POU2F1: variants seen among roughly 807,000 people sequenced by gnomAD.
The protein encoded by POU2F1 is POU class 2 homeobox 1.
In POU2F1, 16 loss-of-function variants were observed where a neutral mutation model predicts 84.9. The ratio of observed to expected loss-of-function variants is 0.19; its 90% confidence interval spans 0.13 to 0.29. The LOEUF (loss-of-function observed/expected upper bound fraction) is 0.29. Ranked by LOEUF, POU2F1 falls within the 10% of genes least tolerant of loss-of-function variation. POU2F1 has a pLI of 1.00. For synonymous variants in POU2F1, 368 were observed against 368.3 expected (o/e 1.00, Z 0.01); for missense variants, 738 against 942.6 (o/e 0.78, Z 2.84).
rs541884616 is a variant in POU2F1, at chr1:167,299,966, T to G, written c.62-32504T>G. On this transcript the variant is annotated intron_variant, in intron 1 of 15. Coordinates refer to ENST00000367866, the MANE Select transcript of POU2F1 (RefSeq NM_002697.4). ...ATGATACTGATCCGGGTACTGCCCT[T>G]TAAGAGTAGCTACTGTGCACTGTTC... 9.9e-5 allele frequency among the ~76,000 whole-genome samples: 15 copies of G among 152,224 alleles called. No homozygotes were observed. The East Asian group carries it at 2.7e-3, about 27-fold the overall frequency.
Position 167,416,087 on chromosome 1 carries a change from T to TACAAAAAAAAAA in POU2F1, c.*278_*279insCAAAAAAAAAAA. 1 of 351,044 alleles carries TACAAAAAAAAAA rather than the reference T, an allele frequency of 2.8e-6. No homozygotes were observed. 21.7% of individuals were successfully genotyped at this position (351,044 alleles called of 1,614,324 possible). Reference sequence around the variant, plus strand: ...ATTGGAGAACTTTCTAACCAAAAATTAAAAAAAAAAAAAAAAAAAGAAACA... The same window carrying TACAAAAAAAAAA: ...ATTGGAGAACTTTCTAACCAAAAATTACAAAAAAAAAAAAAAAAAAAAAAAAAAAAAGAAACA... On this transcript the variant is annotated 3_prime_UTR_variant, in exon 16 of 16. Coordinates refer to ENST00000367866, the MANE Select transcript of POU2F1 (RefSeq NM_002697.4).
Position 167,423,410 on chromosome 1 carries a change from G to T in POU2F1, c.*7600G>T, listed in dbSNP as rs1206029836. The T allele has an allele frequency of 2.0e-5, 3 of 152,144 alleles. No homozygotes were observed. The highest frequency in any genetic ancestry group is 4.4e-5 in the Non-Finnish European group (3 of 68,024). The allele number at this position is 152,144 out of a possible 1,614,324, so 9.4% of individuals were successfully genotyped here. On this transcript the variant is annotated 3_prime_UTR_variant, in exon 16 of 16. Transcript: ENST00000367866. ...CTTATTGTTCTGACATTATGTAAAG[G>T]TGGTATTAATATTGTATGACTTGTC... is the stretch of plus-strand genomic sequence containing the variant.
chr1:167,246,395 G>A (rs563924225), intron 1 of POU2F1, among the ~76,000 whole-genome samples: 1 of 152,000 alleles, frequency 6.6e-6, no homozygotes, highest in South Asian at 2.1e-4. Flanking sequence ...ATTTACATTC[G>A]AAATATATGC....
At chr1:167,271,869 A>G (rs1227373797) in intron 1 of POU2F1, among the ~76,000 whole-genome samples, 1 of 152,360 alleles carries the variant, frequency 6.6e-6, no homozygotes, top group South Asian at 2.1e-4. Context: ...AATGATTTCT[A>G]CATTTTTTTG....
At chr1:167,371,381 G>A (rs529497237) in intron 4 of POU2F1, among the ~76,000 whole-genome samples, 8 of 152,264 alleles carry the variant, frequency 5.3e-5, no homozygotes, top group Admixed American at 6.5e-5. Flanking sequence ...TTTAATTACC[G>A]TAAAATTTTC....
intron 2 of POU2F1, among the ~76,000 whole-genome samples, chr1:167,333,167 A>T (rs1342372400): frequency 1.3e-5 from 2 of 152,154 alleles, no homozygotes; most frequent in African/African-American, 4.8e-5. Context: ...ATCAAGAGAA[A>T]ATTATCATAT....
rs1651005557 is a variant in POU2F1, at chr1:167,427,139, A to G, written c.*11329A>G. ...TGTCTCTCTCAAAAGTGCCCTTTAGATGATTCCCCCTCCTAGGGCTGCCTG... is the reference window on the plus strand; with the variant it reads ...TGTCTCTCTCAAAAGTGCCCTTTAGGTGATTCCCCCTCCTAGGGCTGCCTG... On this transcript the variant is annotated 3_prime_UTR_variant, in exon 16 of 16. Transcript: ENST00000367866. The G allele has an allele frequency of 1.3e-5, 2 of 152,308 alleles. No individual in the cohort carries two copies. Among genetic ancestry groups the G allele is most frequent in the South Asian group, 4.1e-4 (2 of 4,832 alleles). 9.4% of individuals were successfully genotyped at this position (152,308 alleles called of 1,614,324 possible).
intron 2 of POU2F1, among the ~76,000 whole-genome samples, chr1:167,343,383 T>C (rs1384321130): frequency 6.6e-6 from 1 of 152,156 alleles, no homozygotes; most frequent in African/African-American, 2.4e-5. Context: ...TAAAATGCTG[T>C]TTTCAGTACA....
At chr1:167,253,952 C>T (rs940665657) in intron 1 of POU2F1, among the ~76,000 whole-genome samples, 14 of 152,132 alleles carry the variant, frequency 9.2e-5, no homozygotes, top group Non-Finnish European at 1.6e-4. Flanking sequence ...AATACCCAGA[C>T]TTTAGCTCCA....
chr1:167,257,774 G>GT (rs11309465), intron 1 of POU2F1: 5,290 of 141,430 alleles, frequency 0.037, 111 homozygotes, highest in African/African-American at 0.054. Flanking sequence ...TTGGAAGCAG[G>GT]TTTTTTTTTT....
chr1:167,324,918 C>T (rs1399822241), intron 1 of POU2F1, among the ~76,000 whole-genome samples: 2 of 152,048 alleles, frequency 1.3e-5, no homozygotes, highest in African/African-American at 4.8e-5. Context: ...CATAATGCAA[C>T]CTTAGAGGGT....
chr1:167,397,323 G>A (rs1315797758), intron 10 of POU2F1, among the ~76,000 whole-genome samples: 6 of 152,060 alleles, frequency 3.9e-5, no homozygotes, highest in South Asian at 2.1e-4. Context: ...AATATTAAAC[G>A]TTCAGTAATT....
chr1:167,345,817 A>G (rs1398081501), intron 2 of POU2F1, among the ~76,000 whole-genome samples: 1 of 152,146 alleles, frequency 6.6e-6, no homozygotes, highest in Non-Finnish European at 1.5e-5. Flanking sequence ...TTATTTGAAA[A>G]GTCTCAACAG....
chr1:167,353,329 C>G (rs1176806703), intron 2 of POU2F1, among the ~76,000 whole-genome samples: 2 of 150,192 alleles, frequency 1.3e-5, no homozygotes, highest in Admixed American at 6.6e-5. Context: ...TTACATTTTT[C>G]TGTTTTTACC....
chr1:167,350,673 C>CA (rs56240224), intron 2 of POU2F1, among the ~76,000 whole-genome samples: 1,653 of 58,350 alleles, frequency 0.028, 30 homozygotes, highest in African/African-American at 0.065. Flanking sequence ...GACTCCATCT[C>CA]AAAAAAAAAA....
intron 1 of POU2F1, among the ~76,000 whole-genome samples, chr1:167,239,267 G>T (rs943371315): frequency 1.3e-5 from 2 of 152,136 alleles, no homozygotes; most frequent in Non-Finnish European, 2.9e-5. Context: ...TACTTTAAAA[G>T]TATTTTTAAA....
chr1:167,366,998 A>G (rs1264616635), intron 3 of POU2F1, among the ~76,000 whole-genome samples: 2 of 152,194 alleles, frequency 1.3e-5, no homozygotes. Context: ...CCAAATTCCA[A>G]GATGATTGCA....
At chr1:167,316,895 T>C (rs1007622850) in intron 1 of POU2F1, among the ~76,000 whole-genome samples, 6 of 152,186 alleles carry the variant, frequency 3.9e-5, no homozygotes, top group Admixed American at 6.5e-5. Flanking sequence ...ACTCTAATAT[T>C]ATTTTTATTT....
At chr1:167,404,810 G>A (rs142151327) in intron 13 of POU2F1, among the ~76,000 whole-genome samples, 1 of 152,204 alleles carries the variant, frequency 6.6e-6, no homozygotes, top group East Asian at 1.9e-4. Context: ...GATTATGGTT[G>A]ATTTCTCCAC....
Sources: allele counts gnomAD v4.1 joint callset (sites outside exome capture counted in the v4.1 genomes callset), GRCh38; gene constraint gnomAD v4.1.1; transcripts MANE v1.5; gene names NCBI Gene and HGNC (gene_info 2026-07-23, HGNC 2026-07-21).